The following TET1 variants were observed in gnomAD, a reference collection of about 807,000 sequenced individuals.
TET1 encodes methylcytosine dioxygenase TET1.
TET1 carries 13 observed loss-of-function variants against 148.7 expected under a neutral mutation model. That is an observed-to-expected ratio of 0.09 (90% CI 0.06 to 0.14). The LOEUF (loss-of-function observed/expected upper bound fraction) is 0.14. TET1 is among the 10% of genes least tolerant of loss of function. The pLI, the probability that TET1 is intolerant of heterozygous loss-of-function variation, is 1.00. For synonymous variants in TET1, 907 were observed against 937.2 expected, an observed-to-expected ratio of 0.97 and a Z score of 0.59; for missense variants, 2,182 against 2,553.8, an observed-to-expected ratio of 0.85 and a Z score of 3.14.
At chr10:68,678,094 A>G (rs184879940) in intron 8 of TET1, among the ~76,000 whole-genome samples, 2 of 152,306 alleles carry the variant, frequency 1.3e-5, no homozygotes, top group Admixed American at 1.3e-4. Context: ...AGAGTGACAT[A>G]CTTACACTTG....
intron 6 of TET1, among the ~76,000 whole-genome samples, chr10:68,660,493 G>A (rs12251011): frequency 0.18 from 27,426 of 150,948 alleles, 3,091 homozygotes; most frequent in African/African-American, 0.31. Flanking sequence ...GTGTCCCCCA[G>A]CCAAGCCCAG....
At chr10:68,689,840 G>A (rs1281530387) in intron 11 of TET1, among the ~76,000 whole-genome samples, 4 of 152,038 alleles carry the variant, frequency 2.6e-5, no homozygotes, top group African/African-American at 7.2e-5. Context: ...CCCATTGGAT[G>A]TGAGATTTAT....
At chr10:68,579,785 T>A (rs73276476) in intron 2 of TET1, among the ~76,000 whole-genome samples, 8,754 of 152,234 alleles carry the variant, frequency 0.058, 578 homozygotes, top group African/African-American at 0.17. Context: ...TGCCTTCATG[T>A]ATCTTCACCT....
intron 2 of TET1, among the ~76,000 whole-genome samples, chr10:68,586,002 C>CAA (rs36101307): frequency 2.8e-4 from 37 of 132,178 alleles, no homozygotes; most frequent in South Asian, 4.9e-4. Flanking sequence ...GACTCCATCT[C>CAA]AAAAAAAAAA....
intron 6 of TET1, among the ~76,000 whole-genome samples, chr10:68,658,615 G>A (rs1447952096): frequency 6.6e-6 from 1 of 152,084 alleles, no homozygotes; most frequent in Non-Finnish European, 1.5e-5. Flanking sequence ...CTTGCCAGGT[G>A]GTCATTAAAA....
intron 10 of TET1, among the ~76,000 whole-genome samples, chr10:68,683,555 G>A (rs2055467489): frequency 6.6e-6 from 1 of 152,040 alleles, no homozygotes; most frequent in Admixed American, 6.5e-5. Flanking sequence ...TGGGATTACA[G>A]GTGTGAGTCA....
At chr10:68,668,314 T>C (rs2133180496) in intron 7 of TET1, among the ~76,000 whole-genome samples, 1 of 152,348 alleles carries the variant, frequency 6.6e-6, no homozygotes, top group South Asian at 2.1e-4. Flanking sequence ...TGTTGAGTGG[T>C]ATTTAGGCAT....
chr10:68,684,911 C>T (rs1232611419), intron 10 of TET1, among the ~76,000 whole-genome samples: 1 of 152,082 alleles, frequency 6.6e-6, no homozygotes, highest in East Asian at 1.9e-4. Flanking sequence ...TTCTGATTTT[C>T]AGCATGACTA....
chr10:68,625,796 C>T (rs2054468523), intron 3 of TET1, among the ~76,000 whole-genome samples: 1 of 151,924 alleles, frequency 6.6e-6, no homozygotes, highest in Admixed American at 6.6e-5. Flanking sequence ...TTAGGAAATA[C>T]TTAGAGTGAG....
chr10:68,679,636 G>A (rs146050742), intron 8 of TET1, among the ~76,000 whole-genome samples: 1 of 152,158 alleles, frequency 6.6e-6, no homozygotes, highest in African/African-American at 2.4e-5. Context: ...TATGGGTTTA[G>A]CGAGGGCATG....
chr10:68,579,067 A>G (rs2132807333), intron 2 of TET1, among the ~76,000 whole-genome samples: 1 of 152,302 alleles, frequency 6.6e-6, no homozygotes, highest in South Asian at 2.1e-4. Flanking sequence ...TACTCAATCA[A>G]GTCACGTCAC....
intron 2 of TET1, among the ~76,000 whole-genome samples, chr10:68,576,763 C>T (rs1438413083): frequency 3.9e-5 from 6 of 152,122 alleles, no homozygotes; most frequent in Non-Finnish European, 7.3e-5. Flanking sequence ...GACAGAGTCT[C>T]ACTCTGTCAC....
At chr10:68,566,630 CTA>C (rs916360073) in intron 1 of TET1, among the ~76,000 whole-genome samples, 3 of 151,888 alleles carry the variant, frequency 2.0e-5, no homozygotes, top group African/African-American at 7.3e-5. Context: ...TCACTAATGT[CTA>C]TTTTAAAAGT....
At position 68,597,951 on chromosome 10, in the gene TET1, G is replaced by A. The variant is rs75170104; in HGVS notation, c.1915-3030G>A. 7.9e-4 allele frequency among the ~76,000 whole-genome samples: 121 copies of A among 152,276 alleles called. 4 individuals carry two copies. The East Asian group carries it at 0.022, about 28-fold the overall frequency. On this transcript the variant is annotated intron_variant, in intron 2 of 11. Coordinates refer to ENST00000373644, the MANE Select transcript of TET1 (RefSeq NM_030625.3). ...AGAAAGTAGAATGGAAGTCAGTATG[G>A]GCTGGGGGAAGGCAAATGAGGAGTT...
chr10:68,601,044 T>C lies in TET1; in HGVS notation c.1968+10T>C. The C allele has an allele frequency of 6.3e-7, 1 of 1,593,372 alleles. No homozygotes were observed. The highest frequency in any genetic ancestry group is 8.5e-7 in the Non-Finnish European group (1 of 1,172,570). Reference sequence around the variant, plus strand: ...GCCCAAAGTTTTAAAGGTAATCAGCTGTTGATTAAATAATATTTCATTATT... The same window carrying C: ...GCCCAAAGTTTTAAAGGTAATCAGCCGTTGATTAAATAATATTTCATTATT... On this transcript the variant is annotated intron_variant, in intron 3 of 11. Transcript: ENST00000373644.
At chr10:68,617,612 C>CCT (rs2054312099) in intron 3 of TET1, among the ~76,000 whole-genome samples, 2 of 152,084 alleles carry the variant, frequency 1.3e-5, no homozygotes, top group Admixed American at 1.3e-4. Flanking sequence ...ATGGCATGAT[C>CCT]TCGGCTCACC....
chr10:68,648,076 T>G (rs1211991977), intron 4 of TET1, among the ~76,000 whole-genome samples: 1 of 152,224 alleles, frequency 6.6e-6, no homozygotes, highest in Non-Finnish European at 1.5e-5. Context: ...ATAACCAGTG[T>G]GCTAACATGA....
chr10:68,586,073 G>T (rs2053857789), intron 2 of TET1, among the ~76,000 whole-genome samples: 1 of 151,948 alleles, frequency 6.6e-6, no homozygotes, highest in Non-Finnish European at 1.5e-5. Context: ...CAGTGGCATG[G>T]TCATAGCTCA....
chr10:68,595,923 T>C (rs1379641264), intron 2 of TET1, among the ~76,000 whole-genome samples: 1 of 16,644 alleles, frequency 6.0e-5, no homozygotes, highest in East Asian at 2.4e-3. Flanking sequence ...CCAAAACATA[T>C]ATATATATAT....
Sources: allele counts gnomAD v4.1 joint callset (sites outside exome capture counted in the v4.1 genomes callset), GRCh38; gene constraint gnomAD v4.1.1; transcripts MANE v1.5; gene names NCBI Gene and HGNC (gene_info 2026-07-23, HGNC 2026-07-21).